Variants in TBC1D8 observed in about 807,000 individuals in gnomAD.
TBC1D8 encodes TBC1 domain family member 8.
Under a neutral mutation model 118.8 loss-of-function variants are expected in TBC1D8, and 65 were observed. The observed-to-expected ratio is 0.55, with a 90% CI of 0.45 to 0.67. TBC1D8 has a LOEUF of 0.67. Among genes scored for constraint, TBC1D8 ranks in the 30% least tolerant of loss-of-function variants. TBC1D8 has a pLI of 0.00. For synonymous variants in TBC1D8, 566 were observed against 595.8 expected (o/e 0.95, Z 0.73); for missense variants, 1,376 against 1,471.2 (o/e 0.94, Z 1.06).
At chr2:101,147,923 T>A (rs1679385900) in intron 1 of TBC1D8, among the ~76,000 whole-genome samples, 1 of 152,204 alleles carries the variant, frequency 6.6e-6, no homozygotes, top group African/African-American at 2.4e-5. Context: ...TTATTTCCTT[T>A]CCAGAGTAGC....
chr2:101,050,725 TCTC>T (rs1327671985), intron 4 of TBC1D8, 84 bp from the exon 5 acceptor site: 14 of 1,537,566 alleles, frequency 9.1e-6, no homozygotes, highest in Non-Finnish European at 8.8e-6. Context: ...TATCCAAAGC[TCTC>T]CTTAGGCCGA....
intron 1 of TBC1D8, among the ~76,000 whole-genome samples, chr2:101,146,599 C>CT (rs1189852617): frequency 3.3e-5 from 5 of 152,116 alleles, no homozygotes; most frequent in African/African-American, 4.8e-5. Flanking sequence ...AATTATCACA[C>CT]TGTAATTGTA....
chr2:101,014,926 C>G (rs34421080), intron 17 of TBC1D8, among the ~76,000 whole-genome samples: 28,512 of 152,122 alleles, frequency 0.19, 2,881 homozygotes, highest in Middle Eastern at 0.32. Context: ...TTCCATAATG[C>G]TTGTAAGGTT....
chr2:101,090,735 G>A (rs1181369799), intron 1 of TBC1D8, among the ~76,000 whole-genome samples: 1 of 152,208 alleles, frequency 6.6e-6, no homozygotes, highest in Admixed American at 6.5e-5. Flanking sequence ...AATCTGTGGG[G>A]CCTTAGGCAA....
intron 1 of TBC1D8, among the ~76,000 whole-genome samples, chr2:101,130,059 C>T (rs922843354): frequency 6.6e-6 from 1 of 152,182 alleles, no homozygotes; most frequent in Admixed American, 6.5e-5. Context: ...ATCCCAGCAA[C>T]GACGTTCATC....
At chr2:101,138,736 A>G (rs545960616) in intron 1 of TBC1D8, among the ~76,000 whole-genome samples, 1 of 151,964 alleles carries the variant, frequency 6.6e-6, no homozygotes, top group Non-Finnish European at 1.5e-5. Flanking sequence ...TGGGTGGGCT[A>G]CCCTCCATGT....
chr2:101,035,897 G>T, intron 9 of TBC1D8, 121 bp downstream of exon 9: 1 of 1,183,534 alleles, frequency 8.4e-7, no homozygotes, highest in Non-Finnish European at 1.2e-6. Flanking sequence ...GGAAATCACA[G>T]GAATGACTCA....
intron 5 of TBC1D8, among the ~76,000 whole-genome samples, chr2:101,048,120 G>T (rs551478450): frequency 6.6e-6 from 1 of 152,282 alleles, no homozygotes; most frequent in South Asian, 2.1e-4. Context: ...CACAGGGAGA[G>T]GGGGAGAAGC....
chr2:101,033,193 C>T (rs984854115), intron 10 of TBC1D8, among the ~76,000 whole-genome samples: 3 of 152,010 alleles, frequency 2.0e-5, no homozygotes, highest in Non-Finnish European at 2.9e-5. Context: ...CTCGGCTCAC[C>T]GCAACCTGCG....
chr2:101,042,237 T>C (rs970201968), intron 5 of TBC1D8, among the ~76,000 whole-genome samples: 1 of 152,134 alleles, frequency 6.6e-6, no homozygotes, highest in African/African-American at 2.4e-5. Context: ...GATTTTTGGC[T>C]CTGAAACCAG....
At position 101,038,602 on chromosome 2, in the gene TBC1D8, A is replaced by C; in HGVS notation, c.1134T>G (p.Ile378Met). The change falls in exon 7 of 20, where the codon ATT becomes ATG. Residue 378 changes from isoleucine (I) to methionine (M), a missense_variant. By Grantham distance (10) the Ile-to-Met change is conservative. Coordinates refer to ENST00000409318, the MANE Select transcript of TBC1D8 (RefSeq NM_001330348.2). The part of the protein sequence containing the change: ...EDTSLLPHPI[I>M]VSIRSKVAFQ... ...AGGCCACCTTGCTTCTGATACTGAC[A>C]ATGATGGGATGCGGCAGCAGGCTCG... is the stretch of plus-strand genomic sequence containing the variant. 6.2e-7 allele frequency: 1 copy of C among 1,613,942 alleles called. No homozygotes were observed. Among genetic ancestry groups the C allele is most frequent in the Non-Finnish European group, 8.5e-7 (1 of 1,179,902 alleles).
At chr2:101,071,307 T>G (rs1258147408) in intron 2 of TBC1D8, among the ~76,000 whole-genome samples, 1 of 152,138 alleles carries the variant, frequency 6.6e-6, no homozygotes, top group Non-Finnish European at 1.5e-5. Flanking sequence ...ATCGCACCAC[T>G]GCACTCCAGC....
At chr2:101,042,626 C>G (rs1681452585) in intron 5 of TBC1D8, among the ~76,000 whole-genome samples, 1 of 152,098 alleles carries the variant, frequency 6.6e-6, no homozygotes, top group Non-Finnish European at 1.5e-5. Context: ...CTTAAAATTT[C>G]CAGACAGAGA....
intron 11 of TBC1D8, among the ~76,000 whole-genome samples, chr2:101,030,814 G>A (rs1233950038): frequency 1.3e-5 from 2 of 152,224 alleles, no homozygotes; most frequent in African/African-American, 4.8e-5. Flanking sequence ...AGAGGAGCAA[G>A]CTCTACAAAT....
intron 1 of TBC1D8, among the ~76,000 whole-genome samples, chr2:101,091,693 C>A (rs1376379765): frequency 1.3e-5 from 2 of 152,088 alleles, no homozygotes; most frequent in African/African-American, 2.4e-5. Context: ...CCACTGTGCC[C>A]TACCCTGGGA....
chr2:101,093,950 C>G (rs1018164460), intron 1 of TBC1D8, among the ~76,000 whole-genome samples: 10 of 152,064 alleles, frequency 6.6e-5, no homozygotes, highest in Admixed American at 6.6e-4. Context: ...ACCTATGTGG[C>G]CTCCCAAAGT....
At chr2:101,116,359 G>C (rs1677817343) in intron 1 of TBC1D8, among the ~76,000 whole-genome samples, 1 of 152,136 alleles carries the variant, frequency 6.6e-6, no homozygotes, top group African/African-American at 2.4e-5. Context: ...CTCTGTATCA[G>C]CTGTGTGGCT....
chr2:101,033,148 C>T (rs866473969), intron 10 of TBC1D8, among the ~76,000 whole-genome samples: 12 of 148,282 alleles, frequency 8.1e-5, no homozygotes, highest in Admixed American at 1.4e-4. Flanking sequence ...GACAGAGTCT[C>T]GCTCTGTTGC....
chr2:101,103,577 A>ATTT (rs1334809305), intron 1 of TBC1D8, among the ~76,000 whole-genome samples: 1 of 152,046 alleles, frequency 6.6e-6, no homozygotes, highest in East Asian at 1.9e-4. Flanking sequence ...TATTTTTAGT[A>ATTT]GAGACAGGGT....
Sources: gnomAD v4.1 joint callset for allele counts (sites outside exome capture counted in the v4.1 genomes callset) on GRCh38, gnomAD v4.1.1 for gene constraint, MANE v1.5 for transcripts, NCBI Gene and HGNC (gene_info 2026-07-23, HGNC 2026-07-21) for gene names.